The following COL12A1 variants were observed in gnomAD, a reference collection of about 807,000 sequenced individuals.
COL12A1 encodes collagen alpha-1(XII) chain.
COL12A1 carries 114 observed loss-of-function variants against 349.7 expected under a neutral mutation model. The ratio of observed to expected loss-of-function variants is 0.33; its 90% CI spans 0.28 to 0.38. The LOEUF is 0.38. COL12A1 is among the 10% of genes least tolerant of loss of function. COL12A1 has a pLI of 1.00. For missense variants in COL12A1, 3,284 were observed against 3,756.9 expected (o/e 0.87, Z 3.29); for synonymous variants, 1,369 against 1,329.0 (o/e 1.03, Z -0.66).
chr6:75,148,323 T>A (rs1393244934), intron 22 of COL12A1, 35 bp downstream of exon 22: 1 of 1,594,898 alleles, frequency 6.3e-7, no homozygotes, highest in Non-Finnish European at 8.6e-7. Context: ...AATCTCAACA[T>A]CAGGAAGAAG....
At chr6:75,160,957 G>T (rs1283398577) in intron 14 of COL12A1, among the ~76,000 whole-genome samples, 2 of 152,066 alleles carry the variant, frequency 1.3e-5, no homozygotes, top group Non-Finnish European at 2.9e-5. Flanking sequence ...ACACATTTAA[G>T]AAAGATAAAT....
chr6:75,109,214 A>T (rs750342825), intron 51 of COL12A1, 47 bp from the exon 52 acceptor site: 42 of 1,359,066 alleles, frequency 3.1e-5, no homozygotes, highest in Non-Finnish European at 3.9e-5. Context: ...CACTAAAAAA[A>T]TTAGCTGACT....
At chr6:75,175,564 T>C (rs1287705831) in intron 12 of COL12A1, among the ~76,000 whole-genome samples, 2 of 152,228 alleles carry the variant, frequency 1.3e-5, no homozygotes, top group African/African-American at 4.8e-5. Flanking sequence ...CCATGTAAAA[T>C]CTTTCATGTT....
Position 75,177,770 on chromosome 6 carries a change from C to A in COL12A1, c.2330G>T (p.Arg777Ile). 2 of 1,614,096 alleles carry A rather than the reference C, an allele frequency of 1.2e-6. No individual in the cohort carries two copies. Among genetic ancestry groups the A allele is most frequent in the Non-Finnish European group, 8.5e-7 (1 of 1,180,016 alleles). The change falls in exon 12 of 66, where the codon AGA becomes ATA. Residue 777 changes from arginine to isoleucine, a missense_variant. Coordinates refer to ENST00000322507, the MANE Select transcript of COL12A1 (RefSeq NM_004370.6). Reference sequence around the variant, plus strand: ...GTCTGGAATCAAGTTCTCCAGTGTTCTCCTCCTCTGATTGGGTGGGGTGGT... The same window carrying A: ...GTCTGGAATCAAGTTCTCCAGTGTTATCCTCCTCTGATTGGGTGGGGTGGT... ...EVTTPPNQRR[R>I]TLENLIPDTK... is the part of the protein sequence containing the mutation.
At chr6:75,201,137 T>G (rs56339704) in intron 2 of COL12A1, among the ~76,000 whole-genome samples, 3,992 of 152,318 alleles carry the variant, frequency 0.026, 79 homozygotes, top group Non-Finnish European at 0.042. Flanking sequence ...CTAAGAATTC[T>G]CAACTCTTTC....
At chr6:75,189,492 T>C (rs1769812271) in intron 6 of COL12A1, 60 bp downstream of exon 6, 1 of 1,582,200 alleles carries the variant, frequency 6.3e-7, no homozygotes, top group South Asian at 1.2e-5. Context: ...CAATGCATCA[T>C]TTCTTTCTGA....
Position 75,177,775 on chromosome 6 carries a change from C to T in COL12A1, c.2325G>A (p.Arg775=), listed in dbSNP as rs746005954. ...GAATCAAGTTCTCCAGTGTTCTCCT[C>T]CTCTGATTGGGTGGGGTGGTAACTT... is the stretch of plus-strand genomic sequence containing the variant. ...SREVTTPPNQ[R]RRTLENLIPD... The change falls in exon 12 of 66, where the codon AGG becomes AGA. Residue 775 remains arginine (R), a synonymous_variant. Transcript: ENST00000322507. 2 of 1,614,060 alleles carry T rather than the reference C, an allele frequency of 1.2e-6. No homozygotes were observed. Among genetic ancestry groups the T allele is most frequent in the East Asian group, 4.5e-5 (2 of 44,858 alleles).
At chr6:75,204,361 G>C (rs757984841) in intron 1 of COL12A1, among the ~76,000 whole-genome samples, 1 of 151,932 alleles carries the variant, frequency 6.6e-6, no homozygotes, top group Non-Finnish European at 1.5e-5. Flanking sequence ...TTTTTTAACA[G>C]CTGAACTCAA....
intron 8 of COL12A1, among the ~76,000 whole-genome samples, chr6:75,185,455 A>T (rs959960581): frequency 1.3e-5 from 2 of 152,202 alleles, no homozygotes; most frequent in African/African-American, 4.8e-5. Flanking sequence ...ACTACAAACC[A>T]CTGCTCAAAG....
chr6:75,144,798 G>A (rs1303707419), intron 25 of COL12A1, among the ~76,000 whole-genome samples: 1 of 152,110 alleles, frequency 6.6e-6, no homozygotes, highest in African/African-American at 2.4e-5. Flanking sequence ...ATATAATAGG[G>A]GATCAATATA....
At chr6:75,180,705 A>G (rs1022057065) in intron 11 of COL12A1, among the ~76,000 whole-genome samples, 1 of 152,116 alleles carries the variant, frequency 6.6e-6, no homozygotes, top group Non-Finnish European at 1.5e-5. Flanking sequence ...AATTATCAAC[A>G]GTTCTCTAGG....
In COL12A1 at chr6:75,148,375, C is replaced by G; in HGVS notation, c.4270G>C (p.Gly1424Arg). 6.2e-7 allele frequency: 1 copy of G among 1,612,660 alleles called. No homozygotes were observed. The highest frequency in any genetic ancestry group is 1.7e-5 in the Admixed American group (1 of 59,880). ...CTACTCACTTCTTGACGTTTCCCTC[C>G]AGAAACTGGATAGTATTCCACCTTA... Reference protein sequence around the residue: ...RYKVEYYPVSGGKRQEFYVSR... With the variant: ...RYKVEYYPVSRGKRQEFYVSR... Residue 1424 changes from glycine (G) to arginine (R), a missense_variant, in exon 22 of 66, where the codon GGA (glycine) becomes CGA (arginine). Coordinates refer to ENST00000322507, the MANE Select transcript of COL12A1 (RefSeq NM_004370.6).
chr6:75,091,535 A>G lies in COL12A1; in HGVS notation c.8650-10T>C, dbSNP rs1176994891. On this transcript the variant is annotated splice_polypyrimidine_tract_variant and intron_variant, in intron 60 of 65. Transcript: ENST00000322507. ...TCAACCCAGATGGACCCTGAAAAATATGAATTACATACATTAGAAACTGAC... is the reference window on the plus strand; with the variant it reads ...TCAACCCAGATGGACCCTGAAAAATGTGAATTACATACATTAGAAACTGAC... The G allele has an allele frequency of 1.9e-6, 3 of 1,609,928 alleles. No homozygotes were observed. The highest frequency in any genetic ancestry group is 2.5e-6 in the Non-Finnish European group (3 of 1,178,192).
chr6:75,165,463 G>T lies in COL12A1; in HGVS notation c.2983+44C>A, dbSNP rs745763575. 5.6e-6 allele frequency: 9 copies of T among 1,593,898 alleles called. No homozygotes were observed. The African/African-American group carries it at 1.2e-4, about 21-fold the overall frequency. ...ATGTCACTTGAGCTGATAACTATTG[G>T]GTAGCACCGGCACACACCCAAACAC... On this transcript the variant is annotated intron_variant, in intron 14 of 65. Coordinates refer to ENST00000322507, the MANE Select transcript of COL12A1 (RefSeq NM_004370.6).
chr6:75,140,677 A>AAAAAAAAAAAAAAAAACAAAAAAAAAC (rs1766848838), intron 27 of COL12A1, among the ~76,000 whole-genome samples: 1 of 151,322 alleles, frequency 6.6e-6, no homozygotes, highest in African/African-American at 2.4e-5. Context: ...AAAAAAAAAA[A>AAAAAAAAAAAAAAAAACAAAAAAAAAC]AGCAGGTTAT....
intron 26 of COL12A1, among the ~76,000 whole-genome samples, chr6:75,142,928 AT>A (rs1229453091): frequency 1.3e-5 from 2 of 152,078 alleles, no homozygotes; most frequent in East Asian, 3.9e-4. Flanking sequence ...GAAACATGAC[AT>A]TTTCTAGTAA....
intron 52 of COL12A1, 116 bp downstream of exon 52, chr6:75,108,902 A>G (rs1051856904): frequency 1.8e-6 from 2 of 1,103,100 alleles, no homozygotes; most frequent in Non-Finnish European, 2.6e-6. Context: ...AAGAAATTTG[A>G]CAACTTAAAA....
intron 12 of COL12A1, 153 bp downstream of exon 12, chr6:75,177,510 A>C: frequency 2.5e-6 from 2 of 796,126 alleles, no homozygotes; most frequent in Non-Finnish European, 3.8e-6. Context: ...GTAAAAAAAA[A>C]ATTTTAACTT....
At position 75,177,704 on chromosome 6, in the gene COL12A1, C is replaced by T. The variant is rs772979149; in HGVS notation, c.2396G>A (p.Gly799Glu). The stretch of plus-strand genomic sequence containing the variant: ...ATTTCCAGTTAATGGAGTACCAGGT[C>T]CTGAGAAATATTCAGGAATTACAGA... ...EVSVIPEYFS[G>E]PGTPLTGNAA... Residue 799 changes from glycine to glutamate, a missense_variant, in exon 12 of 66, where the codon GGA (glycine) becomes GAA (glutamate). Transcript: ENST00000322507. 1.5e-5 allele frequency: 25 copies of T among 1,613,964 alleles called. No homozygotes were observed. In the Admixed American group the frequency reaches 3.8e-4, roughly 25 times the overall value.
Sources: allele counts gnomAD v4.1 joint callset (sites outside exome capture counted in the v4.1 genomes callset), GRCh38; gene constraint gnomAD v4.1.1; transcripts MANE v1.5; gene names NCBI Gene and HGNC (gene_info 2026-07-23, HGNC 2026-07-21).